Variants in TMEM255A observed in about 807,000 individuals in gnomAD.
TMEM255A encodes transmembrane protein 255A.
A neutral mutation model predicts 23.5 loss-of-function variants in TMEM255A; 14 were observed. The observed-to-expected ratio is 0.60, with a 90% CI of 0.39 to 0.93. TMEM255A has a LOEUF of 0.93. TMEM255A is among the 40% of genes least tolerant of loss of function. The probability of loss-of-function intolerance (pLI) is 0.00; values close to 1 mark genes in which losing one functional copy is unlikely to be tolerated. For synonymous variants in TMEM255A, 104 were observed against 100.3 expected, an observed-to-expected ratio of 1.04 and a Z score of -0.22; for missense variants, 233 against 261.7, an observed-to-expected ratio of 0.89 and a Z score of 0.76.
At chrX:120,310,914 A>G (rs1277177371) in intron 1 of TMEM255A, among the ~76,000 whole-genome samples, 1 of 109,665 alleles carries the variant, frequency 9.1e-6, no homozygotes, top group Non-Finnish European at 1.9e-5. Context: ...GCGAAGGCGC[A>G]GGTTGCAGGG....
chrX:120,298,881 G>A (rs1248155951), intron 2 of TMEM255A, among the ~76,000 whole-genome samples: 1 of 108,219 alleles, frequency 9.2e-6, no homozygotes, highest in Admixed American at 9.8e-5. Context: ...AGCACCTAGA[G>A]AGAGAGAGAG....
At chrX:120,269,064 G>A (rs782407935) in intron 7 of TMEM255A, among the ~76,000 whole-genome samples, 33 of 110,575 alleles carry the variant, frequency 3.0e-4, no homozygotes, top group Non-Finnish European at 4.0e-4. Flanking sequence ...CTGTAGAGTA[G>A]AGGCAAAATC....
At chrX:120,255,394 G>A (rs781978909), downstream of TMEM255A, 37 of 1,207,694 alleles carry the variant, frequency 3.1e-5, no homozygotes, top group Admixed American at 2.8e-4. Context: ...GTAACAGATG[G>A]CAGTACTGAG....
At chrX:120,287,092 G>A in intron 5 of TMEM255A, 62 bp downstream of exon 5, 1 of 978,886 alleles carries the variant, frequency 1.0e-6, no homozygotes, top group East Asian at 3.1e-5. Context: ...AAGAAAGGGT[G>A]TTTCAGGCAG....
At chrX:120,298,521 A>C (rs2058012956) in intron 2 of TMEM255A, among the ~76,000 whole-genome samples, 1 of 112,015 alleles carries the variant, frequency 8.9e-6, no homozygotes, top group South Asian at 3.7e-4. Flanking sequence ...TAGTTTAAAA[A>C]TCCATGTTTT....
At chrX:120,302,215 C>T (rs989768438) in intron 2 of TMEM255A, among the ~76,000 whole-genome samples, 6 of 111,204 alleles carry the variant, frequency 5.4e-5, no homozygotes, top group African/African-American at 2.0e-4. Flanking sequence ...ACCCTCCTTC[C>T]TTTGTTAACG....
chrX:120,271,442 T>C (rs2057760717), intron 7 of TMEM255A, among the ~76,000 whole-genome samples: 1 of 112,047 alleles, frequency 8.9e-6, no homozygotes, highest in Non-Finnish European at 1.9e-5. Context: ...AGATTAACTG[T>C]GCAAAAGCAC....
rs782686713 is a variant in TMEM255A at position 120,258,696 on chromosome X, G to A, written c.*2174C>T. On this transcript the variant is annotated 3_prime_UTR_variant, in exon 9 of 9. Coordinates refer to ENST00000371369, the MANE Select transcript of TMEM255A (RefSeq NM_001104544.3). ...ATTCATTTGAAACATCACAAAAGCAGTCTGAGTTTTCAACATGGCAGTGAT... is the reference window on the plus strand; with the variant it reads ...ATTCATTTGAAACATCACAAAAGCAATCTGAGTTTTCAACATGGCAGTGAT... 8.9e-6 allele frequency: 1 copy of A among 112,505 alleles called. No individual in the cohort carries two copies. The highest frequency in any genetic ancestry group is 1.9e-5 in the Non-Finnish European group (1 of 53,309). 9.3% of individuals were successfully genotyped at this position (112,505 alleles called of 1,213,427 possible). A position where few individuals can be genotyped will look rare whatever the true frequency, so the allele number is the denominator to read the frequency against.
chrX:120,274,114 T>C (rs2057780112), intron 7 of TMEM255A, among the ~76,000 whole-genome samples: 1 of 112,199 alleles, frequency 8.9e-6, no homozygotes, highest in Admixed American at 9.4e-5. Flanking sequence ...ACAAGGTAGA[T>C]GAATTTTAAA....
rs2057881630 is a variant in TMEM255A at position 120,287,183 on chromosome X, G to A, written c.394C>T (p.Pro132Ser). 2 of 1,210,741 alleles carry A rather than the reference G, an allele frequency of 1.7e-6. No individual in the cohort carries two copies. The highest frequency in any genetic ancestry group is 2.2e-6 in the Non-Finnish European group (2 of 894,763). Residue 132 changes from proline to serine, a missense_variant, in exon 5 of 9, where the codon CCC (proline) becomes TCC (serine). Pro to Ser is a moderately conservative substitution (Grantham distance 74). Coordinates refer to ENST00000371369, the MANE Select transcript of TMEM255A (RefSeq NM_001104544.3). ...PLYANRCHYV[P>S]KTSQKEAEEV... is the part of the protein sequence containing the mutation. ...TCAGCTTCCTTCTGTGATGTCTTGG[G>A]AACATAATGGCACCGGTTAGCGTAG...
At chrX:120,286,524 G>T (rs781966707) in intron 5 of TMEM255A, among the ~76,000 whole-genome samples, 1 of 111,926 alleles carries the variant, frequency 8.9e-6, no homozygotes, top group East Asian at 2.8e-4. Flanking sequence ...ATTGCATCTA[G>T]CTCTGCTTGA....
In TMEM255A at chrX:120,260,813, C is replaced by T. The variant is rs782320886; in HGVS notation, c.*57G>A. 8 of 1,185,546 alleles carry T rather than the reference C, an allele frequency of 6.7e-6. No homozygotes were observed. The highest frequency in any genetic ancestry group is 9.0e-6 in the Non-Finnish European group (8 of 885,073). On this transcript the variant is annotated 3_prime_UTR_variant, in exon 9 of 9. Transcript: ENST00000371369. Reference sequence around the variant, plus strand: ...TTAAATTTTGTACCCTACACACTTCCACTGAAGCAGAAATACAAAAGCCAC... The same window carrying T: ...TTAAATTTTGTACCCTACACACTTCTACTGAAGCAGAAATACAAAAGCCAC...
chrX:120,275,055 C>T (rs1283842844), intron 7 of TMEM255A, among the ~76,000 whole-genome samples: 2 of 112,513 alleles, frequency 1.8e-5, no homozygotes, highest in Non-Finnish European at 3.8e-5. Flanking sequence ...TCATCTGCCC[C>T]CTGGGGAAAT....
chrX:120,254,430 G>A, downstream of TMEM255A: 2 of 1,211,444 alleles, frequency 1.7e-6, no homozygotes, highest in South Asian at 1.8e-5. Flanking sequence ...AGATGATGAT[G>A]ATGACACTAT....
At chrX:120,267,947 C>T (rs1278171608) in intron 8 of TMEM255A, among the ~76,000 whole-genome samples, 1 of 111,008 alleles carries the variant, frequency 9.0e-6, no homozygotes, top group Non-Finnish European at 1.9e-5. Flanking sequence ...CTTATCTTCT[C>T]CTTGGTGTAG....
chrX:120,294,678 G>C (rs1403225516), intron 2 of TMEM255A, among the ~76,000 whole-genome samples: 12 of 111,355 alleles, frequency 1.1e-4, no homozygotes, highest in African/African-American at 3.9e-4. Flanking sequence ...GTCAGTAAGA[G>C]ACATATAATG....
chrX:120,297,063 AT>A (rs1556024849), intron 2 of TMEM255A, among the ~76,000 whole-genome samples: 8 of 6,927 alleles, frequency 1.2e-3, no homozygotes, highest in Admixed American at 5.3e-3. Context: ...TATATATAAT[AT>A]TATATATATT....
chrX:120,258,003 A>G (rs1329409783), downstream of TMEM255A: 2 of 123,243 alleles, frequency 1.6e-5, no homozygotes, highest in East Asian at 2.8e-4. Context: ...ACAGAAATTT[A>G]AAAATGCCAT....
chrX:120,285,144 G>A lies in TMEM255A; in HGVS notation c.495C>T (p.Asp165=). ...ACACTTACTTGCCACAGTTGTAGAG[G>A]TCACAGCAGAAGCAGGTGTTGCCCC... ...RIRGNTCFCC[D]LYNCGNRVEI... is the part of the protein sequence containing the mutation. Residue 165 remains aspartate, a synonymous_variant, in exon 6 of 9, where the codon GAC becomes GAT. Coordinates refer to ENST00000371369, the MANE Select transcript of TMEM255A (RefSeq NM_001104544.3). The A allele has an allele frequency of 8.3e-7, 1 of 1,210,743 alleles. No individual in the cohort carries two copies. Among genetic ancestry groups the A allele is most frequent in the Non-Finnish European group, 1.1e-6 (1 of 894,585 alleles).
Sources: gnomAD v4.1 joint callset for allele counts (sites outside exome capture counted in the v4.1 genomes callset) on GRCh38, gnomAD v4.1.1 for gene constraint, MANE v1.5 for transcripts, NCBI Gene and HGNC (gene_info 2026-07-23, HGNC 2026-07-21) for gene names.